LFNG: variants seen among roughly 807,000 people sequenced by gnomAD.
The protein encoded by LFNG is LFNG O-fucosylpeptide 3-beta-N-acetylglucosaminyltransferase.
In LFNG, 15 loss-of-function variants were observed where a neutral mutation model predicts 32.7. That is an observed-to-expected ratio of 0.46 (90% CI 0.31 to 0.71). LFNG has a LOEUF of 0.71. Among genes scored for constraint, LFNG ranks in the 30% least tolerant of loss-of-function variants. LFNG has a pLI of 0.06. For synonymous variants in LFNG, 274 were observed against 246.8 expected (o/e 1.11, Z -1.03); for missense variants, 520 against 545.7 (o/e 0.95, Z 0.47).
rs764812196 is a variant in LFNG, at chr7:2,525,332, CG to C, written c.581+19del. 1.2e-6 allele frequency: 2 copies of C among 1,612,398 alleles called. No individual in the cohort carries two copies. The highest frequency in any genetic ancestry group is 1.7e-6 in the Non-Finnish European group (2 of 1,179,584). On this transcript the variant is annotated intron_variant, in intron 3 of 7. Transcript: ENST00000222725. ...GTCCGGCAGGAAGTGAGTGTGGCCC[CG>C]GGGGACCCCCATCTCCCTGCCCGAG...
At chr7:2,513,548 C>T (rs1412591191), upstream of LFNG, among the ~76,000 whole-genome samples, 27 of 152,298 alleles carry the variant, frequency 1.8e-4, no homozygotes, top group East Asian at 2.9e-3. Context: ...TCCCTCCACC[C>T]GGCCTGGAGC....
chr7:2,527,087 A>C lies in LFNG; in HGVS notation c.1074-59A>C. The stretch of plus-strand genomic sequence containing the variant: ...GGCCGCCAGTGTTGTGGGACTGCAA[A>C]TGGGAGCTCAGCACCTGCCTGCCAC... On this transcript the variant is annotated intron_variant, in intron 7 of 7. Transcript: ENST00000222725. This position sits in a 1 kb window ranked among gnomAD's most constrained non-coding sequence, Gnocchi z 4.4. The C allele has an allele frequency of 4.5e-6, 7 of 1,551,762 alleles. No individual in the cohort carries two copies. Among genetic ancestry groups the C allele is most frequent in the Middle Eastern group, 1.7e-4 (1 of 5,988 alleles).
Position 2,519,852 on chromosome 7 carries a change from C to T in LFNG, c.-10C>T. ...CGGGGAAGGGCGCGCCGCGCGGCCG[C>T]CACCCCACCATGCTCAAGCGCTGCG... is the stretch of plus-strand genomic sequence containing the variant. On this transcript the variant is annotated 5_prime_UTR_variant, in exon 1 of 8. Coordinates refer to ENST00000222725, the MANE Select transcript of LFNG (RefSeq NM_001040167.2). The T allele has an allele frequency of 9.2e-7, 1 of 1,084,626 alleles. No individual in the cohort carries two copies. The highest frequency in any genetic ancestry group is 1.1e-6 in the Non-Finnish European group (1 of 894,752). The allele number at this position is 1,084,626 out of a possible 1,614,324, so 67.2% of individuals were successfully genotyped here. A position where few individuals can be genotyped will look rare whatever the true frequency, so the allele number is the denominator to read the frequency against.
At chr7:2,525,797 G>T in intron 5 of LFNG, 27 bp downstream of exon 5, 1 of 1,594,544 alleles carries the variant, frequency 6.3e-7, no homozygotes, top group Middle Eastern at 2.0e-4. Context: ...GGTTAGGCCA[G>T]CCCGGTCCCA....
chr7:2,521,942 G>T (rs1401117835), intron 1 of LFNG, among the ~76,000 whole-genome samples: 1 of 152,180 alleles, frequency 6.6e-6, no homozygotes, highest in Non-Finnish European at 1.5e-5. Context: ...CCTACTGGAG[G>T]GTCACCCCAC....
chr7:2,528,092 C>T lies in LFNG; in HGVS notation c.*880C>T. 1 of 984,410 alleles carries T rather than the reference C, an allele frequency of 1.0e-6. No homozygotes were observed. The allele number at this position is 984,410 out of a possible 1,614,324, so 61.0% of individuals were successfully genotyped here. A position where few individuals can be genotyped will look rare whatever the true frequency, so the allele number is the denominator to read the frequency against. On this transcript the variant is annotated 3_prime_UTR_variant, in exon 8 of 8. Transcript: ENST00000222725. The stretch of plus-strand genomic sequence containing the variant: ...TGGGAGGGTGGGGGTGGGGGAGGGT[C>T]TTATTTTATCTTATCTTTTCTGTGG...
intron 1 of LFNG, among the ~76,000 whole-genome samples, chr7:2,523,073 T>C (rs1165088079): frequency 6.6e-6 from 1 of 152,258 alleles, no homozygotes. Flanking sequence ...TTAATCTCCG[T>C]AGCCTTGGGC....
At chr7:2,524,347 G>C (rs564634276) in intron 1 of LFNG, among the ~76,000 whole-genome samples, 1 of 152,336 alleles carries the variant, frequency 6.6e-6, no homozygotes, top group East Asian at 1.9e-4. Context: ...CCAGGTGCAC[G>C]GGGCGGGTCG....
In LFNG at chr7:2,525,400, T is replaced by C. The variant is rs768935089; in HGVS notation, c.582-14T>C. The C allele has an allele frequency of 2.5e-6, 4 of 1,612,684 alleles. No individual in the cohort carries two copies. The highest frequency in any genetic ancestry group is 3.4e-6 in the Non-Finnish European group (4 of 1,179,828). On this transcript the variant is annotated splice_polypyrimidine_tract_variant and intron_variant, in intron 3 of 7. Coordinates refer to ENST00000222725, the MANE Select transcript of LFNG (RefSeq NM_001040167.2). ...CCGGCATGCCCTCCCCCGATGGCCCTGCCTTGTCCTCAGGTGGTTCTGCCA... is the reference window on the plus strand; with the variant it reads ...CCGGCATGCCCTCCCCCGATGGCCCCGCCTTGTCCTCAGGTGGTTCTGCCA...
rs199722773 is a variant in LFNG at position 2,526,825 on chromosome 7, G to T, written c.988-11G>T. The T allele has an allele frequency of 4.3e-6, 7 of 1,612,030 alleles. No homozygotes were observed. The highest frequency in any genetic ancestry group is 4.2e-6 in the Non-Finnish European group (5 of 1,179,544). Reference sequence around the variant, plus strand: ...GGCCCCTCCCGGCATCACTCCGCCCGCTCCCCACAGGTGACGCTGAGCTAC... The same window carrying T: ...GGCCCCTCCCGGCATCACTCCGCCCTCTCCCCACAGGTGACGCTGAGCTAC... On this transcript the variant is annotated splice_polypyrimidine_tract_variant and intron_variant, in intron 6 of 7. Transcript: ENST00000222725. The surrounding 1 kb of genome is among the most constrained non-coding windows in gnomAD (Gnocchi z 6.9).
At chr7:2,513,989 G>A (rs1779551114), upstream of LFNG, among the ~76,000 whole-genome samples, 1 of 152,240 alleles carries the variant, frequency 6.6e-6, no homozygotes, top group Admixed American at 6.5e-5. Flanking sequence ...TTAAGGGTGT[G>A]CCACCTCTTC....
chr7:2,512,848 C>A (rs1464536364), intron 1 of LFNG: 11 of 777,802 alleles, frequency 1.4e-5, no homozygotes, highest in Non-Finnish European at 2.4e-5. Flanking sequence ...GCCTCACCTC[C>A]ATGAATGCCC....
Position 2,526,861 on chromosome 7 carries a change from A to T in LFNG, c.1013A>T (p.Glu338Val), listed in dbSNP as rs770620949. The T allele has an allele frequency of 7.5e-6, 12 of 1,610,044 alleles. No homozygotes were observed. Among genetic ancestry groups the T allele is most frequent in the Non-Finnish European group, 1.0e-5 (12 of 1,179,642 alleles). The change falls in exon 7 of 8, where the codon GAA (glutamate) becomes GTA (valine). Residue 338 changes from glutamate to valine, a missense_variant. Physicochemically the swap from Glu to Val is moderately radical, Grantham distance 121. This residue lies in a region of LFNG where 150 missense variants were observed against 159.9 expected (regional missense o/e 0.94). Transcript: ENST00000222725. This position sits in a 1 kb window ranked among gnomAD's most constrained non-coding sequence, Gnocchi z 6.9. ...GTGACGCTGAGCTACGGTATGTTTG[A>T]AAACAAGCGGAACGCCGTCCACGTG... Reference protein sequence around the residue: ...EQVTLSYGMFENKRNAVHVKG... With the variant: ...EQVTLSYGMFVNKRNAVHVKG...
chr7:2,517,758 T>C (rs533572997), upstream of LFNG: 49 of 670,852 alleles, frequency 7.3e-5, no homozygotes, highest in South Asian at 6.8e-4. Flanking sequence ...CATGCTTGGC[T>C]GCAGGGGATT....
In LFNG at chr7:2,520,267, AC is replaced by A; in HGVS notation, c.408del (p.Trp137GlyfsTer8). 2 of 1,609,128 alleles carry A rather than the reference AC, an allele frequency of 1.2e-6. No individual in the cohort carries two copies. On this transcript the variant is annotated frameshift_variant, in exon 1 of 8. Coordinates refer to ENST00000222725, the MANE Select transcript of LFNG (RefSeq NM_001040167.2). LOFTEE classifies it high-confidence loss of function. The surrounding 1 kb of genome is among the most constrained non-coding windows in gnomAD (Gnocchi z 5.0). ...CGCGCGCCTCGACCTGCTGCTGGAG[AC>A]CTGGATCTCGCGCCACAAGGAGATG... ...HRARLDLLLETWISRHKEMTF... is the reference protein window; with the variant it reads ...HRARLDLLLEXWISRHKEMTF...
At chr7:2,517,557 G>A (rs193107938), upstream of LFNG, 7 of 407,272 alleles carry the variant, frequency 1.7e-5, no homozygotes, top group African/African-American at 1.0e-4. Context: ...AGGGGTAGCT[G>A]GGGAGCAGGA....
intron 1 of LFNG, among the ~76,000 whole-genome samples, chr7:2,524,372 G>A (rs1779881802): frequency 6.6e-6 from 1 of 152,176 alleles, no homozygotes; most frequent in African/African-American, 2.4e-5. Flanking sequence ...CCGGTTACCT[G>A]GCGGGCGGGC....
upstream of LFNG, among the ~76,000 whole-genome samples, chr7:2,516,915 G>A (rs1226050651): frequency 6.6e-6 from 1 of 152,138 alleles, no homozygotes. Context: ...GGCCCCTCTG[G>A]GTTCGGAAGG....
At chr7:2,517,508 A>G (rs553717352), upstream of LFNG, among the ~76,000 whole-genome samples, 17 of 152,214 alleles carry the variant, frequency 1.1e-4, no homozygotes, top group East Asian at 2.9e-3. Flanking sequence ...CAATGGGCAC[A>G]TTGCTCCCAC....
Sources: gnomAD v4.1 joint callset for allele counts (sites outside exome capture counted in the v4.1 genomes callset) on GRCh38, gnomAD v4.1.1 for gene constraint, gnomAD v4.1.1 regional missense constraint, Gnocchi (gnomAD v3.1) non-coding constraint, MANE v1.5 for transcripts, NCBI Gene and HGNC (gene_info 2026-07-23, HGNC 2026-07-21) for gene names.